The following CSNK1G3 variants were observed in gnomAD, a reference collection of about 807,000 sequenced individuals.
The protein encoded by CSNK1G3 is casein kinase 1 gamma 3.
Under a neutral mutation model 64.3 loss-of-function variants are expected in CSNK1G3, and 23 were observed. The ratio of observed to expected loss-of-function variants is 0.36; its 90% confidence interval spans 0.26 to 0.51. The LOEUF (loss-of-function observed/expected upper bound fraction) is 0.51, where lower values mean the gene tolerates loss of function less well. Ranked by LOEUF, CSNK1G3 falls within the 20% of genes least tolerant of loss-of-function variation. The probability of loss-of-function intolerance (pLI) is 0.96; values close to 1 mark genes in which losing one functional copy is unlikely to be tolerated. For synonymous variants in CSNK1G3, 158 were observed against 162.2 expected (o/e 0.97, Z 0.20); for missense variants, 357 against 510.5 (o/e 0.70, Z 2.90).
intron 6 of CSNK1G3, among the ~76,000 whole-genome samples, chr5:123,580,002 C>T (rs1440050469): frequency 3.3e-5 from 5 of 151,864 alleles, no homozygotes; most frequent in East Asian, 1.9e-4. Flanking sequence ...TGGCAAATTG[C>T]GATGCCTTTG....
intron 3 of CSNK1G3, among the ~76,000 whole-genome samples, chr5:123,555,648 C>T (rs1451603922): frequency 6.6e-6 from 1 of 152,062 alleles, no homozygotes; most frequent in Non-Finnish European, 1.5e-5. Context: ...CCTCAGCTAC[C>T]ATCCTTATAT....
intron 3 of CSNK1G3, 25 bp from the exon 4 acceptor site, chr5:123,557,470 C>CT: frequency 6.3e-7 from 1 of 1,580,368 alleles, no homozygotes; most frequent in South Asian, 1.1e-5. Flanking sequence ...ACTTAAATGT[C>CT]TTTTTTTGTT....
chr5:123,535,818 G>C (rs1780697136), intron 1 of CSNK1G3, among the ~76,000 whole-genome samples: 1 of 152,064 alleles, frequency 6.6e-6, no homozygotes, highest in Non-Finnish European at 1.5e-5. Flanking sequence ...TTCAAATTTT[G>C]ATGTTCAATT....
chr5:123,590,627 A>C, intron 9 of CSNK1G3, 69 bp downstream of exon 9: 4 of 958,778 alleles, frequency 4.2e-6, no homozygotes, highest in Non-Finnish European at 5.9e-6. Flanking sequence ...AATATCTTCA[A>C]TTGAAAAGAG....
chr5:123,544,179 C>T (rs2150247225), intron 1 of CSNK1G3, among the ~76,000 whole-genome samples: 1 of 152,274 alleles, frequency 6.6e-6, no homozygotes, highest in South Asian at 2.1e-4. Context: ...TAGCCCTCTC[C>T]AGCACAAGAA....
rs372758372 is a variant in CSNK1G3 at position 123,601,803 on chromosome 5, T to G, written c.1087-2921T>G. On this transcript the variant is annotated intron_variant, in intron 10 of 12. Transcript: ENST00000345990. ...TAGGGCCATTGAACTAAAGGGAGAA[T>G]AGGAAACCTGTTGAATAGTATGTTG... is the stretch of plus-strand genomic sequence containing the variant. 3.3e-5 allele frequency among the ~76,000 whole-genome samples: 5 copies of G among 152,194 alleles called. No homozygotes were observed. In the East Asian group the frequency reaches 5.8e-4, roughly 18 times the overall value.
At chr5:123,534,644 T>C (rs1013120295) in intron 1 of CSNK1G3, among the ~76,000 whole-genome samples, 3 of 152,086 alleles carry the variant, frequency 2.0e-5, no homozygotes, top group Non-Finnish European at 4.4e-5. Flanking sequence ...GGGCTCTCAG[T>C]TATACACTGC....
chr5:123,575,713 T>C lies in CSNK1G3; in HGVS notation c.439-16T>C, dbSNP rs750963606. On this transcript the variant is annotated splice_polypyrimidine_tract_variant and intron_variant, in intron 5 of 12. Coordinates refer to ENST00000345990, the Ensembl canonical transcript of CSNK1G3. ...AGCCCAAAATAAAACTTCTCTTCTT[T>C]TTTTCTTAAACCAAGATTTCTCGCA... The C allele has an allele frequency of 3.8e-6, 6 of 1,575,038 alleles. No individual in the cohort carries two copies. In the South Asian group the frequency reaches 6.7e-5, roughly 18 times the overall value.
At chr5:123,604,557 A>G (rs1795020498) in intron 10 of CSNK1G3, among the ~76,000 whole-genome samples, 167 bp from the exon 12 acceptor site, 1 of 152,232 alleles carries the variant, frequency 6.6e-6, no homozygotes, top group Non-Finnish European at 1.5e-5. Flanking sequence ...CAATTACTGT[A>G]TTTAGTTATG....
intron 1 of CSNK1G3, among the ~76,000 whole-genome samples, chr5:123,538,868 A>G (rs951311624): frequency 1.3e-5 from 2 of 152,136 alleles, no homozygotes; most frequent in Admixed American, 6.5e-5. Flanking sequence ...ATTAATTTTG[A>G]TGACTATTAA....
intron 1 of CSNK1G3, among the ~76,000 whole-genome samples, chr5:123,525,790 G>C (rs888802988): frequency 1.3e-5 from 2 of 151,708 alleles, no homozygotes. Flanking sequence ...TCAGGAGATC[G>C]AGACTGTCCT....
At chr5:123,593,306 A>G (rs1792788358) in intron 10 of CSNK1G3, among the ~76,000 whole-genome samples, 1 of 151,938 alleles carries the variant, frequency 6.6e-6, no homozygotes, top group Non-Finnish European at 1.5e-5. Context: ...CACTTTCATC[A>G]TGATAGAAAA....
chr5:123,610,183 T>C (rs551423476), intron 12 of CSNK1G3, among the ~76,000 whole-genome samples: 2 of 152,314 alleles, frequency 1.3e-5, no homozygotes, highest in African/African-American at 4.8e-5. Context: ...ATCTAAACTC[T>C]TCTTGCTTAG....
intron 5 of CSNK1G3, among the ~76,000 whole-genome samples, chr5:123,573,839 C>T (rs1000401068): frequency 1.3e-5 from 2 of 149,934 alleles, no homozygotes; most frequent in African/African-American, 5.0e-5. Context: ...AGAGAACCCT[C>T]AGAAACATAG....
intron 1 of CSNK1G3, among the ~76,000 whole-genome samples, chr5:123,543,141 G>A (rs185803985): frequency 6.6e-6 from 1 of 152,190 alleles, no homozygotes; most frequent in East Asian, 1.9e-4. Flanking sequence ...CTGTGTTGTT[G>A]AGAGTCTGGC....
intron 1 of CSNK1G3, among the ~76,000 whole-genome samples, chr5:123,522,319 G>A (rs777894808): frequency 1.3e-5 from 2 of 151,886 alleles, no homozygotes; most frequent in Admixed American, 6.6e-5. Flanking sequence ...TGGCTAACAC[G>A]GTGAAATCCT....
chr5:123,547,377 CACAGAT>C (rs1209692450), intron 2 of CSNK1G3, among the ~76,000 whole-genome samples: 1 of 152,112 alleles, frequency 6.6e-6, no homozygotes, highest in Non-Finnish European at 1.5e-5. Flanking sequence ...TACACACACA[CACAGAT>C]ACATATGTAT....
chr5:123,518,856 T>C (rs1777616678), intron 1 of CSNK1G3, among the ~76,000 whole-genome samples: 1 of 152,206 alleles, frequency 6.6e-6, no homozygotes, highest in African/African-American at 2.4e-5. Flanking sequence ...TCTACCTGTT[T>C]TGAAGCGATT....
At chr5:123,519,926 T>G (rs1777799824) in intron 1 of CSNK1G3, among the ~76,000 whole-genome samples, 1 of 152,270 alleles carries the variant, frequency 6.6e-6, no homozygotes. Flanking sequence ...GACTGTGGGC[T>G]ACCAATGTAA....
Sources: gnomAD v4.1 joint callset for allele counts (sites outside exome capture counted in the v4.1 genomes callset) on GRCh38, gnomAD v4.1.1 for gene constraint, MANE v1.5 for transcripts, NCBI Gene and HGNC (gene_info 2026-07-23, HGNC 2026-07-21) for gene names.